ARHGAP19: variants seen among roughly 807,000 people sequenced by gnomAD.
ARHGAP19 encodes Rho GTPase activating protein 19, also known as rho GTPase-activating protein 19.
A neutral mutation model predicts 60.9 loss-of-function variants in ARHGAP19; 48 were observed. The ratio of observed to expected loss-of-function variants is 0.79; its 90% confidence interval spans 0.62 to 1.00. The LOEUF (loss-of-function observed/expected upper bound fraction) is 1.00. ARHGAP19 is among the 50% of genes least tolerant of loss of function. The probability of loss-of-function intolerance (pLI) is 0.00; values close to 1 mark genes in which losing one functional copy is unlikely to be tolerated. For missense variants in ARHGAP19, 562 were observed against 597.2 expected (o/e 0.94, Z 0.61); for synonymous variants, 209 against 215.5 (o/e 0.97, Z 0.27).
At chr10:97,269,544 T>C (rs1242558702) in intron 1 of ARHGAP19, among the ~76,000 whole-genome samples, 1 of 152,216 alleles carries the variant, frequency 6.6e-6, no homozygotes, top group Non-Finnish European at 1.5e-5. Context: ...TCTTAAATCA[T>C]TGACAAGAGC....
rs143565153 is a variant in ARHGAP19 at position 97,255,112 on chromosome 10, C to T, written c.927+1206G>A. On this transcript the variant is annotated intron_variant, in intron 6 of 11. Transcript: ENST00000358531. The stretch of plus-strand genomic sequence containing the variant: ...TAATGGGTACAGAGTTTCAATTTTG[C>T]AAGATGAAGAGTTCTGGAAATGGAT... Among the ~76,000 whole-genome samples the T allele has an allele frequency of 7.4e-4, 112 of 152,214 alleles. 1 individual carries two copies. In the East Asian group the frequency reaches 0.018, roughly 24 times the overall value.
intron 4 of ARHGAP19, among the ~76,000 whole-genome samples, chr10:97,262,365 T>C (rs534717010): frequency 6.6e-6 from 1 of 151,754 alleles, no homozygotes; most frequent in Non-Finnish European, 1.5e-5. Context: ...TAATAATTTT[T>C]AAAAAAAATA....
rs776595110 is a variant in ARHGAP19, at chr10:97,235,225, G to A, written c.1276C>T (p.Leu426Phe). ...KRARSRSFSGLIKRKVLGNQM... is the reference protein window; with the variant it reads ...KRARSRSFSGFIKRKVLGNQM... ...CAGCCCAGCATACCTACCTTAATAA[G>A]CCCACTGAAGGAGCGCGAACGAGCC... Residue 426 changes from leucine to phenylalanine, a missense_variant, in exon 9 of 12, where the codon CTT becomes TTT. Leu to Phe is a conservative substitution (Grantham distance 22, BLOSUM62 0). Transcript: ENST00000358531. The A allele has an allele frequency of 3.1e-6, 5 of 1,611,444 alleles. No individual in the cohort carries two copies. Among genetic ancestry groups the A allele is most frequent in the Non-Finnish European group, 4.2e-6 (5 of 1,177,872 alleles).
intron 6 of ARHGAP19, among the ~76,000 whole-genome samples, chr10:97,250,670 G>A (rs529685011): frequency 6.6e-5 from 10 of 151,194 alleles, no homozygotes; most frequent in East Asian, 2.0e-4. Context: ...GAGCCACCAC[G>A]CCCAGCCAGT....
intron 1 of ARHGAP19, among the ~76,000 whole-genome samples, chr10:97,272,897 G>A (rs947407050): frequency 7.3e-5 from 11 of 149,820 alleles, no homozygotes; most frequent in Admixed American, 2.0e-4. Flanking sequence ...CTGGAGTGCA[G>A]TGGGACGATC....
intron 8 of ARHGAP19, among the ~76,000 whole-genome samples, chr10:97,239,551 G>GTGT (rs1842440252): frequency 4.9e-3 from 100 of 20,280 alleles, no homozygotes; most frequent in South Asian, 0.019. Context: ...AGAGAGAGAG[G>GTGT]GTGTGTGTGT....
rs886556199 is a variant in ARHGAP19 at position 97,256,454 on chromosome 10, A to G, written c.841-50T>C. 3 of 1,301,584 alleles carry G rather than the reference A, an allele frequency of 2.3e-6. No individual in the cohort carries two copies. In the African/African-American group the frequency reaches 4.4e-5, roughly 19 times the overall value. 80.6% of individuals were successfully genotyped at this position (1,301,584 alleles called of 1,614,324 possible). A position where few individuals can be genotyped will look rare whatever the true frequency, so the allele number is the denominator to read the frequency against. ...CAATGGACATTAAGAGCTAGAAAGTAGTACTTACCAATAAGCCTGTTCTTT... is the reference window on the plus strand; with the variant it reads ...CAATGGACATTAAGAGCTAGAAAGTGGTACTTACCAATAAGCCTGTTCTTT... On this transcript the variant is annotated intron_variant, in intron 5 of 11. Transcript: ENST00000358531.
intron 1 of ARHGAP19, among the ~76,000 whole-genome samples, chr10:97,272,887 C>T (rs1478965894): frequency 6.7e-6 from 1 of 148,264 alleles, no homozygotes. Context: ...GTCGCCCAGG[C>T]TGGAGTGCAG....
At chr10:97,243,267 C>T (rs983001190) in intron 8 of ARHGAP19, among the ~76,000 whole-genome samples, 1 of 152,178 alleles carries the variant, frequency 6.6e-6, no homozygotes, top group African/African-American at 2.4e-5. Flanking sequence ...AAGGAAGTCC[C>T]AGTTGAATAA....
chr10:97,255,702 A>G (rs1195914384), intron 6 of ARHGAP19, among the ~76,000 whole-genome samples: 3 of 152,214 alleles, frequency 2.0e-5, no homozygotes, highest in Admixed American at 6.5e-5. Flanking sequence ...AGAGTATTCA[A>G]TCATACAAAG....
chr10:97,288,711 T>C (rs904400289), intron 1 of ARHGAP19, among the ~76,000 whole-genome samples: 2 of 151,850 alleles, frequency 1.3e-5, no homozygotes, highest in African/African-American at 2.4e-5. Context: ...TACTATTCAC[T>C]AATTATTGAC....
At chr10:97,284,557 G>A (rs1843128740) in intron 1 of ARHGAP19, among the ~76,000 whole-genome samples, 1 of 152,132 alleles carries the variant, frequency 6.6e-6, no homozygotes, top group South Asian at 2.1e-4. Flanking sequence ...GCCCATGCTA[G>A]AATGGTGGCA....
At chr10:97,230,788 G>A (rs919401383) in intron 9 of ARHGAP19, among the ~76,000 whole-genome samples, 8 of 152,046 alleles carry the variant, frequency 5.3e-5, no homozygotes, top group African/African-American at 1.4e-4. Flanking sequence ...ATTTTAGGCC[G>A]GGAGCGGTGG....
chr10:97,267,053 G>C (rs1184438642), intron 1 of ARHGAP19, among the ~76,000 whole-genome samples: 1 of 152,118 alleles, frequency 6.6e-6, no homozygotes, highest in Non-Finnish European at 1.5e-5. Flanking sequence ...ACAGTCCAAA[G>C]TCTCATCAGG....
intron 1 of ARHGAP19, among the ~76,000 whole-genome samples, chr10:97,282,999 C>A (rs1003154058): frequency 6.6e-6 from 1 of 151,358 alleles, no homozygotes; most frequent in Non-Finnish European, 1.5e-5. Flanking sequence ...TCTGCCACCA[C>A]GCCTGGCTAA....
chr10:97,229,937 C>A lies in ARHGAP19; in HGVS notation c.1285-63G>T, dbSNP rs181509969. On this transcript the variant is annotated intron_variant, in intron 9 of 11. Transcript: ENST00000358531. Reference sequence around the variant, plus strand: ...CTACTGCATCTACAGTGGAGCTATACTAGCCTTCAAAACTGTAATGTCCTT... The same window carrying A: ...CTACTGCATCTACAGTGGAGCTATAATAGCCTTCAAAACTGTAATGTCCTT... 2.5e-3 allele frequency: 3,020 copies of A among 1,201,948 alleles called. 6 individuals carry two copies. The highest frequency in any genetic ancestry group is 3.3e-3 in the Non-Finnish European group (2,755 of 839,060). 74.5% of individuals were successfully genotyped at this position (1,201,948 alleles called of 1,614,324 possible).
At chr10:97,248,060 G>A (rs923220201) in intron 6 of ARHGAP19, among the ~76,000 whole-genome samples, 1 of 149,748 alleles carries the variant, frequency 6.7e-6, no homozygotes, top group African/African-American at 2.5e-5. Flanking sequence ...CCGCCTCCCA[G>A]GTTCAAGTGA....
At position 97,264,926 on chromosome 10, in the gene ARHGAP19, G is replaced by A. The variant is rs770157643; in HGVS notation, c.323-20C>T. On this transcript the variant is annotated intron_variant, in intron 2 of 11. Transcript: ENST00000358531. ...CTTTTTCTGAAAAACCATATGATAT[G>A]ACAGGGCTATATTTCACACAAATAG... 5.7e-6 allele frequency: 9 copies of A among 1,569,460 alleles called. No homozygotes were observed. The Admixed American group carries it at 1.2e-4, about 20-fold the overall frequency.
At chr10:97,237,633 G>C (rs1038222992) in intron 8 of ARHGAP19, among the ~76,000 whole-genome samples, 3 of 152,170 alleles carry the variant, frequency 2.0e-5, no homozygotes, top group Non-Finnish European at 4.4e-5. Flanking sequence ...CACTTTAGGA[G>C]GCCAAGACAG....
Sources: gnomAD v4.1 joint callset for allele counts (sites outside exome capture counted in the v4.1 genomes callset) on GRCh38, gnomAD v4.1.1 for gene constraint, MANE v1.5 for transcripts, NCBI Gene and HGNC (gene_info 2026-07-23, HGNC 2026-07-21) for gene names.